CPVL: variants seen among roughly 807,000 people sequenced by gnomAD.
CPVL encodes the protein probable serine carboxypeptidase CPVL.
Under a neutral mutation model 63.7 loss-of-function variants are expected in CPVL, and 51 were observed. The ratio of observed to expected loss-of-function variants is 0.80; its 90% CI spans 0.64 to 1.01. The LOEUF (loss-of-function observed/expected upper bound fraction) is 1.01. Ranked by LOEUF, CPVL falls within the 50% of genes least tolerant of loss-of-function variation. CPVL has a pLI of 0.00. For synonymous variants in CPVL, 195 were observed against 206.0 expected (o/e 0.95, Z 0.46); for missense variants, 530 against 573.1 (o/e 0.92, Z 0.77).
intron 11 of CPVL, 28 bp downstream of exon 11, chr7:29,064,033 A>G (rs1339010282): frequency 2.6e-6 from 4 of 1,547,094 alleles, no homozygotes; most frequent in Non-Finnish European, 3.5e-6. Flanking sequence ...GAAAGTTCCT[A>G]AAATAGTAAC....
intron 5 of CPVL, among the ~76,000 whole-genome samples, chr7:29,175,729 T>C (rs1797229584): frequency 6.6e-6 from 1 of 151,884 alleles, no homozygotes; most frequent in African/African-American, 2.4e-5. Context: ...AGAAGATAAG[T>C]TACCCAAGCG....
chr7:29,052,199 T>C lies in CPVL; in HGVS notation c.1137+11862A>G, dbSNP rs145975686. Among the ~76,000 whole-genome samples the C allele has an allele frequency of 5.4e-3, 821 of 151,770 alleles. 6 individuals carry two copies. Among genetic ancestry groups the C allele is most frequent in the African/African-American group, 0.019 (777 of 41,402 alleles). On this transcript the variant is annotated intron_variant, in intron 11 of 12. Transcript: ENST00000265394. ...ACAAACAGGGTGTGTTGTGTACTGC[T>C]TGGGTGATGGGTGCACCAAAATCTC...
chr7:29,005,759 A>T (rs1785134159), intron 12 of CPVL, among the ~76,000 whole-genome samples: 1 of 152,200 alleles, frequency 6.6e-6, no homozygotes, highest in Non-Finnish European at 1.5e-5. Context: ...ACAGGATTTG[A>T]TGCAATTAAA....
At chr7:29,096,984 C>CAAAAAAAAAAAAAAA (rs1165892123) in intron 3 of CPVL, among the ~76,000 whole-genome samples, 1 of 51,192 alleles carries the variant, frequency 2.0e-5, no homozygotes, top group Non-Finnish European at 3.8e-5. Flanking sequence ...GACTCTGTCT[C>CAAAAAAAAAAAAAAA]AAAAAAAAAA....
chr7:29,098,815 C>A (rs1374255932), intron 3 of CPVL, among the ~76,000 whole-genome samples: 3 of 152,180 alleles, frequency 2.0e-5, no homozygotes, highest in Non-Finnish European at 4.4e-5. Flanking sequence ...GTAATCCCAG[C>A]ACTTTGGGAG....
At chr7:29,040,386 G>A (rs1788951891) in intron 11 of CPVL, among the ~76,000 whole-genome samples, 1 of 152,146 alleles carries the variant, frequency 6.6e-6, no homozygotes, top group Admixed American at 6.5e-5. Context: ...TTTAAGAAAT[G>A]TCCCTGACTG....
chr7:29,115,387 G>A (rs1788678507), intron 2 of CPVL, among the ~76,000 whole-genome samples: 1 of 152,120 alleles, frequency 6.6e-6, no homozygotes, highest in South Asian at 2.1e-4. Context: ...AAAAAAGCCA[G>A]AGAAAAAGAG....
chr7:29,031,906 A>C (rs570959415), intron 11 of CPVL, among the ~76,000 whole-genome samples: 1 of 152,346 alleles, frequency 6.6e-6, no homozygotes, highest in South Asian at 2.1e-4. Context: ...AACTATAAAA[A>C]TCAATGTACA....
chr7:29,169,569 A>C (rs1352910633), intron 5 of CPVL, among the ~76,000 whole-genome samples: 1 of 152,210 alleles, frequency 6.6e-6, no homozygotes, highest in Non-Finnish European at 1.5e-5. Context: ...CTGACGGTGT[A>C]CTGAAGAGTA....
chr7:29,152,418 C>T (rs1793718927), intron 5 of CPVL, among the ~76,000 whole-genome samples: 1 of 152,148 alleles, frequency 6.6e-6, no homozygotes, highest in Non-Finnish European at 1.5e-5. Flanking sequence ...TCTCTATTCT[C>T]AGTTCCTGGC....
intron 11 of CPVL, among the ~76,000 whole-genome samples, chr7:29,035,031 A>T (rs1051855662): frequency 1.3e-5 from 2 of 151,970 alleles, no homozygotes; most frequent in Non-Finnish European, 2.9e-5. Context: ...GTCTTTAAAA[A>T]CTCATTCCAG....
At chr7:28,999,820 A>G (rs1259600824) in intron 12 of CPVL, among the ~76,000 whole-genome samples, 3 of 152,230 alleles carry the variant, frequency 2.0e-5, no homozygotes, top group African/African-American at 7.2e-5. Flanking sequence ...ATTCTTAAGC[A>G]GATTCACATA....
intron 5 of CPVL, 84 bp downstream of exon 5, chr7:29,095,000 T>G: frequency 1.0e-6 from 1 of 962,114 alleles, no homozygotes; most frequent in Non-Finnish European, 1.6e-6. Context: ...CGAAATCTAT[T>G]TTTTAAATGT....
At chr7:29,157,072 C>T (rs932153031) in intron 5 of CPVL, among the ~76,000 whole-genome samples, 24 of 152,138 alleles carry the variant, frequency 1.6e-4, no homozygotes, top group Non-Finnish European at 2.5e-4. Flanking sequence ...CTAGCTGCAC[C>T]GACAAATTGT....
chr7:29,090,967 AC>A (rs2128603666), intron 6 of CPVL, among the ~76,000 whole-genome samples: 1 of 152,268 alleles, frequency 6.6e-6, no homozygotes, highest in East Asian at 1.9e-4. Flanking sequence ...TTTTGAAGCG[AC>A]CCTCTTATTC....
At chr7:29,068,696 T>G (rs917564952) in intron 9 of CPVL, among the ~76,000 whole-genome samples, 3 of 150,656 alleles carry the variant, frequency 2.0e-5, no homozygotes, top group African/African-American at 7.3e-5. Flanking sequence ...TTTTTTTTCT[T>G]TGTTTTTTTT....
chr7:29,081,671 G>A (rs1469211767), intron 7 of CPVL, among the ~76,000 whole-genome samples: 1 of 152,198 alleles, frequency 6.6e-6, no homozygotes, highest in Admixed American at 6.5e-5. Flanking sequence ...TGAGTTAGCG[G>A]AGCTTCTATT....
intron 2 of CPVL, chr7:29,185,731 C>A (rs1008207945): frequency 6.6e-6 from 1 of 152,054 alleles, no homozygotes; most frequent in African/African-American, 2.4e-5. Context: ...TCATATATAC[C>A]CCGAGTTGCA....
chr7:29,150,180 G>C (rs1793394512), upstream of CPVL, among the ~76,000 whole-genome samples: 1 of 152,192 alleles, frequency 6.6e-6, no homozygotes, highest in Middle Eastern at 3.2e-3. Flanking sequence ...GTGGTTCAGA[G>C]CATGGGTCAG....
Sources: allele counts gnomAD v4.1 joint callset (sites outside exome capture counted in the v4.1 genomes callset), GRCh38; gene constraint gnomAD v4.1.1; transcripts MANE v1.5; gene names NCBI Gene and HGNC (gene_info 2026-07-23, HGNC 2026-07-21).